The following CLDN1 variants were observed in gnomAD, a reference collection of about 807,000 sequenced individuals.
CLDN1 encodes the protein claudin 1, also known as claudin-1.
A neutral mutation model predicts 22.6 loss-of-function variants in CLDN1; 12 were observed. The observed-to-expected ratio is 0.53, with a 90% CI of 0.34 to 0.86. The LOEUF is 0.86. Ranked by LOEUF, CLDN1 falls within the 40% of genes least tolerant of loss-of-function variation. The pLI is 0.02. For synonymous variants in CLDN1, 99 were observed against 103.8 expected, an observed-to-expected ratio of 0.95 and a Z score of 0.28; for missense variants, 250 against 269.5, an observed-to-expected ratio of 0.93 and a Z score of 0.51.
At chr3:190,318,093 A>G (rs1188845714) in intron 1 of CLDN1, among the ~76,000 whole-genome samples, 1 of 152,204 alleles carries the variant, frequency 6.6e-6, no homozygotes, top group Non-Finnish European at 1.5e-5. Context: ...AAGTTTCATA[A>G]AAGTCCTAAT....
In CLDN1 at chr3:190,313,180, C is replaced by T. The variant is rs566489970; in HGVS notation, c.224-144G>A. On this transcript the variant is annotated intron_variant, in intron 1 of 3. Transcript: ENST00000295522. ...GAGACCCCAGTCATACTGATGTTTC[C>T]GCTGGTAACCCAATATACAGTATCT... 2.1e-4 allele frequency: 174 copies of T among 842,086 alleles called. 1 individual carries two copies. The highest frequency in any genetic ancestry group is 2.9e-4 in the African/African-American group (17 of 59,142). The allele number at this position is 842,086 out of a possible 1,614,324, so 52.2% of individuals were successfully genotyped here.
At chr3:190,312,736 A>G in intron 2 of CLDN1, 136 bp downstream of exon 2, 1 of 926,632 alleles carries the variant, frequency 1.1e-6, no homozygotes, top group Non-Finnish European at 1.7e-6. Context: ...AGAACATGAA[A>G]GTCAACTGGA....
At chr3:190,312,198 TG>T (rs1716640196) in intron 2 of CLDN1, among the ~76,000 whole-genome samples, 1 of 152,126 alleles carries the variant, frequency 6.6e-6, no homozygotes. Context: ...CCAAAAGTGC[TG>T]GGATTACAGG....
chr3:190,315,316 A>C lies in CLDN1; in HGVS notation c.224-2280T>G, dbSNP rs79842213. Among the ~76,000 whole-genome samples, 643 of 152,242 alleles carry C rather than the reference A, an allele frequency of 4.2e-3. 4 individuals are homozygous for C. The highest frequency in any genetic ancestry group is 0.014 in the African/African-American group (601 of 41,540). On this transcript the variant is annotated intron_variant, in intron 1 of 3. Transcript: ENST00000295522. ...TCCTAGCTTTAAAGTTTAAAGTCCT[A>C]CATCCTTAGAAGGCTCTCAATCCTG...
At chr3:190,314,546 C>A (rs922565842) in intron 1 of CLDN1, among the ~76,000 whole-genome samples, 1 of 149,104 alleles carries the variant, frequency 6.7e-6, no homozygotes, top group African/African-American at 2.5e-5. Flanking sequence ...AGGCACGAAC[C>A]ACCATGCCTG....
At chr3:190,316,892 A>G (rs1716784106) in intron 1 of CLDN1, among the ~76,000 whole-genome samples, 1 of 152,218 alleles carries the variant, frequency 6.6e-6, no homozygotes, top group Non-Finnish European at 1.5e-5. Flanking sequence ...TCTTGCTACT[A>G]AAAGCCAGAC....
intron 1 of CLDN1, among the ~76,000 whole-genome samples, chr3:190,321,507 C>A (rs1457232589): frequency 1.3e-5 from 2 of 152,150 alleles, no homozygotes; most frequent in Non-Finnish European, 2.9e-5. Context: ...ATGAAAAAAT[C>A]ATATTAAAGG....
At chr3:190,312,013 T>A in intron 2 of CLDN1, among the ~76,000 whole-genome samples, 1 of 151,628 alleles carries the variant, frequency 6.6e-6, no homozygotes, top group East Asian at 1.9e-4. Context: ...AGTGGTGCGA[T>A]CTCGGCTCCC....
Position 190,312,937 on chromosome 3 carries a change from A to G in CLDN1, c.323T>C (p.Leu108Ser), listed in dbSNP as rs1716664585. Residue 108 changes from leucine to serine, a missense_variant, in exon 2 of 4, where the codon TTG (leucine) becomes TCG (serine). Leu to Ser is a moderately radical substitution (Grantham distance 145). Transcript: ENST00000295522. ...ATVGMKCMKC[L>S]EDDEVQKMRM... ...CATCTTCTGCACCTCATCGTCTTCC[A>G]AGCACTTCATACACTTCATGCCAAC... The G allele has an allele frequency of 1.2e-6, 2 of 1,614,192 alleles. No homozygotes were observed. The highest frequency in any genetic ancestry group is 1.7e-5 in the Admixed American group (1 of 60,026).
At position 190,313,027 on chromosome 3, in the gene CLDN1, T is replaced by C; in HGVS notation, c.233A>G (p.Gln78Arg). The C allele has an allele frequency of 6.2e-7, 1 of 1,614,150 alleles. No homozygotes were observed. The highest frequency in any genetic ancestry group is 2.2e-5 in the East Asian group (1 of 44,878). ...DSLLNLSSTLQATRALMVVGI... is the reference protein window; with the variant it reads ...DSLLNLSSTLRATRALMVVGI... ...AACCACCATCAAGGCACGGGTTGCT[T>C]GCAATGTGCCTGGCAGAAAACATTT... The change falls in exon 2 of 4, where the codon CAA (glutamine) becomes CGA (arginine). Residue 78 changes from glutamine (Q) to arginine (R), a missense_variant. Physicochemically the swap from Gln to Arg is conservative, Grantham distance 43. Coordinates refer to ENST00000295522, the MANE Select transcript of CLDN1 (RefSeq NM_021101.5).
rs1382406517 is a variant in CLDN1 at position 190,307,182 on chromosome 3, C to A, written c.*1095G>T. ...GAAAGATTAAGTGACTTGCTTACAG[C>A]TACAGAGAGAATATTTGTCACCAGA... On this transcript the variant is annotated 3_prime_UTR_variant, in exon 4 of 4. Coordinates refer to ENST00000295522, the MANE Select transcript of CLDN1 (RefSeq NM_021101.5). 6.6e-6 allele frequency: 1 copy of A among 152,578 alleles called. No individual in the cohort carries two copies. The highest frequency in any genetic ancestry group is 1.5e-5 in the Non-Finnish European group (1 of 68,030). The allele number at this position is 152,578 out of a possible 1,614,324, so 9.5% of individuals were successfully genotyped here.
chr3:190,308,274 G>A lies in CLDN1; in HGVS notation c.*3C>T, dbSNP rs768210136. The A allele has an allele frequency of 1.2e-6, 2 of 1,613,692 alleles. No homozygotes were observed. The highest frequency in any genetic ancestry group is 1.7e-6 in the Non-Finnish European group (2 of 1,179,764). ...AACATGATTTTCTCCTTTTGCCTCT[G>A]TGTCACACGTAGTCTTTCCCGCTGG... On this transcript the variant is annotated 3_prime_UTR_variant, in exon 4 of 4. Transcript: ENST00000295522.
At position 190,310,352 on chromosome 3, in the gene CLDN1, T is replaced by G. The variant is rs973311008; in HGVS notation, c.389-99A>C. On this transcript the variant is annotated intron_variant, in intron 2 of 3. Coordinates refer to ENST00000295522, the MANE Select transcript of CLDN1 (RefSeq NM_021101.5). Reference sequence around the variant, plus strand: ...AAACATATTTTGCAAGAATTAAATCTCATCAATAGTGTTGACATTTTTATT... The same window carrying G: ...AAACATATTTTGCAAGAATTAAATCGCATCAATAGTGTTGACATTTTTATT... The G allele has an allele frequency of 5.5e-5, 46 of 830,306 alleles. No homozygotes were observed. The African/African-American group carries it at 7.5e-4, about 14-fold the overall frequency. The allele number at this position is 830,306 out of a possible 1,614,324, so 51.4% of individuals were successfully genotyped here.
At chr3:190,310,102 G>A in intron 3 of CLDN1, 67 bp downstream of exon 3, 1 of 1,297,638 alleles carries the variant, frequency 7.7e-7, no homozygotes, top group South Asian at 1.2e-5. Context: ...GCACTAGCAG[G>A]ACTTTGTAGA....
intron 1 of CLDN1, among the ~76,000 whole-genome samples, chr3:190,314,490 G>T (rs1255167975): frequency 1.3e-5 from 2 of 152,188 alleles, no homozygotes; most frequent in East Asian, 3.9e-4. Context: ...TGCCTCTGGG[G>T]CTCAAGCGAT....
intron 1 of CLDN1, among the ~76,000 whole-genome samples, chr3:190,316,544 G>C (rs1178066598): frequency 6.6e-6 from 1 of 152,184 alleles, no homozygotes; most frequent in African/African-American, 2.4e-5. Context: ...AGTGTTTTAT[G>C]TGCAGATCAA....
intron 1 of CLDN1, among the ~76,000 whole-genome samples, chr3:190,316,546 G>A (rs1716774966): frequency 6.6e-6 from 1 of 152,172 alleles, no homozygotes; most frequent in Non-Finnish European, 1.5e-5. Context: ...TGTTTTATGT[G>A]CAGATCAAAT....
In CLDN1 at chr3:190,322,257, G is replaced by A. The variant is rs1198668060; in HGVS notation, c.-51C>T. ...TCAGGGGTGGCAGGTGCAGAAGGCG[G>A]AGAGTTTGCAGGTGGGCAACCCGGA... On this transcript the variant is annotated 5_prime_UTR_variant, in exon 1 of 4. Coordinates refer to ENST00000295522, the MANE Select transcript of CLDN1 (RefSeq NM_021101.5). 1 of 1,565,076 alleles carries A rather than the reference G, an allele frequency of 6.4e-7. No individual in the cohort carries two copies. Among genetic ancestry groups the A allele is most frequent in the African/African-American group, 1.4e-5 (1 of 73,938 alleles).
chr3:190,310,196 T>C lies in CLDN1; in HGVS notation c.446A>G (p.Tyr149Cys). ...GGCATTGACTGGGGTCATAGGGTCA[T>C]AGAATTCTTGAACGATTCTATTGCC... ...WYGNRIVQEFYDPMTPVNARY... is the reference protein window; with the variant it reads ...WYGNRIVQEFCDPMTPVNARY... Residue 149 changes from tyrosine (Y) to cysteine (C), a missense_variant, in exon 3 of 4, where the codon TAT (tyrosine) becomes TGT (cysteine). Physicochemically the swap from Tyr to Cys is radical, Grantham distance 194. Transcript: ENST00000295522. 3.1e-6 allele frequency: 5 copies of C among 1,613,918 alleles called. No homozygotes were observed. The highest frequency in any genetic ancestry group is 1.1e-5 in the South Asian group (1 of 91,070).
Sources: allele counts gnomAD v4.1 joint callset (sites outside exome capture counted in the v4.1 genomes callset), GRCh38; gene constraint gnomAD v4.1.1; transcripts MANE v1.5; gene names NCBI Gene and HGNC (gene_info 2026-07-23, HGNC 2026-07-21).